The following TMEM62 variants were observed in gnomAD, a reference collection of about 807,000 sequenced individuals.
TMEM62 encodes transmembrane protein 62.
TMEM62 carries 41 observed loss-of-function variants against 70.4 expected under a neutral mutation model. The observed-to-expected ratio is 0.58, with a 90% CI of 0.45 to 0.76. The LOEUF is 0.76. Ranked by LOEUF, TMEM62 falls within the 30% of genes least tolerant of loss-of-function variation. The pLI is 0.00. For missense variants in TMEM62, 688 were observed against 788.5 expected, an observed-to-expected ratio of 0.87 and a Z score of 1.53; for synonymous variants, 268 against 291.0, an observed-to-expected ratio of 0.92 and a Z score of 0.80.
intron 10 of TMEM62, among the ~76,000 whole-genome samples, chr15:43,167,432 T>G (rs1027025587): frequency 2.5e-3 from 369 of 150,008 alleles, no homozygotes; most frequent in Non-Finnish European, 4.7e-3. Flanking sequence ...GCAGAGGGTC[T>G]CCTCACTTCT....
At chr15:43,169,747 A>T (rs1371593394) in intron 11 of TMEM62, 70 bp downstream of exon 11, 1 of 1,350,710 alleles carries the variant, frequency 7.4e-7, no homozygotes, top group Non-Finnish European at 1.0e-6. Context: ...AAAATATTTT[A>T]AAGAGGTTTA....
At chr15:43,136,981 G>A (rs2035315627) in intron 3 of TMEM62, among the ~76,000 whole-genome samples, 1 of 151,982 alleles carries the variant, frequency 6.6e-6, no homozygotes, top group African/African-American at 2.4e-5. Context: ...TCAAACTCCT[G>A]GGCTCAAGTG....
At chr15:43,146,447 A>G in intron 4 of TMEM62, 46 bp from the exon 5 acceptor site, 4 of 1,548,654 alleles carry the variant, frequency 2.6e-6, no homozygotes, top group South Asian at 1.2e-5. Context: ...ATTTTAAAGC[A>G]TTGTCTTTTT....
At chr15:43,163,153 G>A (rs1217639980) in intron 10 of TMEM62, among the ~76,000 whole-genome samples, 1 of 150,650 alleles carries the variant, frequency 6.6e-6, no homozygotes, top group Non-Finnish European at 1.5e-5. Flanking sequence ...AGTTCCCTCA[G>A]ATCTCATTTA....
Position 43,144,431 on chromosome 15 carries a change from C to A in TMEM62, c.477-2062C>A, listed in dbSNP as rs2036424500. On this transcript the variant is annotated intron_variant, in intron 4 of 13. Transcript: ENST00000260403. ...AATTCAGCATAGGTTCTTAAGGAGG[C>A]AAGTAACATAATTAAAATAGTGTTT... Among the ~76,000 whole-genome samples, 3 of 151,774 alleles carry A rather than the reference C, an allele frequency of 2.0e-5. No individual in the cohort carries two copies. In the South Asian group the frequency reaches 6.2e-4, roughly 31 times the overall value.
chr15:43,162,963 AT>A (rs145003431), intron 10 of TMEM62, among the ~76,000 whole-genome samples: 93 of 149,906 alleles, frequency 6.2e-4, no homozygotes, highest in African/African-American at 2.0e-3. Context: ...TATAACCATC[AT>A]TTTTTTTTCC....
At chr15:43,178,091 A>T (rs1189172070) in intron 11 of TMEM62, among the ~76,000 whole-genome samples, 4 of 152,094 alleles carry the variant, frequency 2.6e-5, no homozygotes, top group Non-Finnish European at 5.9e-5. Context: ...AGATATTTTG[A>T]TATTTCTTTT....
intron 12 of TMEM62, among the ~76,000 whole-genome samples, chr15:43,179,042 C>A (rs2041074084): frequency 6.6e-6 from 1 of 152,114 alleles, no homozygotes. Flanking sequence ...GTTTTACTTC[C>A]ATCATTACCT....
At chr15:43,155,247 T>G (rs976252964) in intron 9 of TMEM62, among the ~76,000 whole-genome samples, 1 of 150,392 alleles carries the variant, frequency 6.6e-6, no homozygotes, top group Non-Finnish European at 1.5e-5. Flanking sequence ...ACAAAAAAAG[T>G]GAAAAAATTG....
At chr15:43,135,255 A>AT (rs1345575335) in intron 2 of TMEM62, among the ~76,000 whole-genome samples, 5 of 152,148 alleles carry the variant, frequency 3.3e-5, no homozygotes, top group East Asian at 1.9e-4. Flanking sequence ...CTCTTTAAAG[A>AT]TTTTTTTAAC....
At chr15:43,138,259 G>C (rs1277309535) in intron 3 of TMEM62, among the ~76,000 whole-genome samples, 1 of 152,178 alleles carries the variant, frequency 6.6e-6, no homozygotes, top group African/African-American at 2.4e-5. Flanking sequence ...GGGAGTTCAT[G>C]AATTGCTGGT....
chr15:43,160,640 C>T (rs1485289162), intron 9 of TMEM62, 41 bp from the exon 10 acceptor site: 1 of 1,041,388 alleles, frequency 9.6e-7, no homozygotes. Flanking sequence ...TAAATATTTC[C>T]ATGTACATGA....
At chr15:43,144,523 G>C (rs973206125) in intron 4 of TMEM62, among the ~76,000 whole-genome samples, 2 of 152,188 alleles carry the variant, frequency 1.3e-5, no homozygotes, top group Admixed American at 6.5e-5. Flanking sequence ...AGATATTGGA[G>C]TTATGTGGAC....
At chr15:43,162,463 G>A (rs1436736000) in intron 10 of TMEM62, among the ~76,000 whole-genome samples, 2 of 134,912 alleles carry the variant, frequency 1.5e-5, no homozygotes, top group African/African-American at 7.4e-5. Flanking sequence ...CTGGAGTCTC[G>A]CTCTGTCTCC....
At chr15:43,168,611 C>G (rs771113255) in intron 10 of TMEM62, among the ~76,000 whole-genome samples, 11 of 152,098 alleles carry the variant, frequency 7.2e-5, no homozygotes, top group Non-Finnish European at 1.3e-4. Context: ...ACAAAGTCCT[C>G]TTTACTTTTC....
In TMEM62 at chr15:43,134,273, T is replaced by G. The variant is rs1333322788; in HGVS notation, c.197T>G (p.Leu66Arg). The change falls in exon 2 of 14, where the codon CTG becomes CGG. Residue 66 changes from leucine to arginine, a missense_variant. Leu to Arg is a moderately radical substitution (Grantham distance 102). Coordinates refer to ENST00000260403, the MANE Select transcript of TMEM62 (RefSeq NM_024956.4). The stretch of plus-strand genomic sequence containing the variant: ...TTTCGGCAGATATCCGACATTCACC[T>G]GAGCAGGTTTCGAGATCCAGGCAGA... ...FWGLQISDIH[L>R]SRFRDPGRAV... 3.7e-6 allele frequency: 6 copies of G among 1,614,204 alleles called. No homozygotes were observed. The highest frequency in any genetic ancestry group is 5.1e-6 in the Non-Finnish European group (6 of 1,180,008).
At chr15:43,146,228 A>G in intron 4 of TMEM62, 2 of 305,378 alleles carry the variant, frequency 6.5e-6, no homozygotes, top group East Asian at 1.2e-4. Context: ...TGAACATTTA[A>G]TGGACTCCCT....
At chr15:43,142,722 G>A (rs955412889) in intron 4 of TMEM62, among the ~76,000 whole-genome samples, 3 of 151,512 alleles carry the variant, frequency 2.0e-5, no homozygotes, top group South Asian at 2.1e-4. Context: ...AGGCTGGAGT[G>A]CAATGGCGCG....
At chr15:43,154,389 T>C (rs969520463) in intron 8 of TMEM62, among the ~76,000 whole-genome samples, 1 of 152,214 alleles carries the variant, frequency 6.6e-6, no homozygotes, top group Non-Finnish European at 1.5e-5. Flanking sequence ...AGAAAGAACT[T>C]TGAATCTACC....
Sources: gnomAD v4.1 joint callset for allele counts (sites outside exome capture counted in the v4.1 genomes callset) on GRCh38, gnomAD v4.1.1 for gene constraint, MANE v1.5 for transcripts, NCBI Gene and HGNC (gene_info 2026-07-23, HGNC 2026-07-21) for gene names.